The following SOX5 variants were observed in gnomAD, a reference collection of about 807,000 sequenced individuals.
The protein encoded by SOX5 is transcription factor SOX-5.
A neutral mutation model predicts 92.0 loss-of-function variants in SOX5; 9 were observed. The ratio of observed to expected loss-of-function variants is 0.10; its 90% confidence interval spans 0.06 to 0.17. The LOEUF (loss-of-function observed/expected upper bound fraction) is 0.17. SOX5 is among the 10% of genes least tolerant of loss of function. SOX5 has a pLI of 1.00. For synonymous variants in SOX5, 344 were observed against 336.3 expected (o/e 1.02, Z -0.25); for missense variants, 642 against 944.5 (o/e 0.68, Z 4.20).
chr12:24,095,124 CACACAGAGAGAGAGAGAG>C (rs1231818925), intron 4 of SOX5, among the ~76,000 whole-genome samples: 5 of 105,108 alleles, frequency 4.8e-5, no homozygotes, highest in Admixed American at 9.7e-5. Context: ...CACACACACA[CACACAGAGAGAGAGAGAG>C]AGAGAGAGAG....
chr12:23,889,193 AC>A (rs2097103157), intron 2 of SOX5, among the ~76,000 whole-genome samples: 1 of 152,218 alleles, frequency 6.6e-6, no homozygotes, highest in Non-Finnish European at 1.5e-5. Flanking sequence ...CACAATAACC[AC>A]ACTGGTTTAA....
At chr12:23,769,535 T>C (rs984420841) in intron 3 of SOX5, among the ~76,000 whole-genome samples, 5 of 152,150 alleles carry the variant, frequency 3.3e-5, no homozygotes, top group South Asian at 2.1e-4. Flanking sequence ...GCTCTCCAGT[T>C]GGACACCTAC....
chr12:24,372,554 C>G (rs1956847750), intron 1 of SOX5, among the ~76,000 whole-genome samples: 1 of 152,118 alleles, frequency 6.6e-6, no homozygotes, highest in African/African-American at 2.4e-5. Flanking sequence ...TGGGTTGGTT[C>G]CAAGTCTTTG....
At chr12:23,990,854 G>A (rs1330558620) in intron 4 of SOX5, among the ~76,000 whole-genome samples, 2 of 152,032 alleles carry the variant, frequency 1.3e-5, no homozygotes, top group Non-Finnish European at 2.9e-5. Flanking sequence ...AAAATAGAAA[G>A]CTTCACTAAG....
intron 4 of SOX5, among the ~76,000 whole-genome samples, chr12:24,004,665 C>T (rs1475861364): frequency 2.0e-5 from 3 of 152,098 alleles, no homozygotes; most frequent in South Asian, 2.1e-4. Flanking sequence ...ATATATATTG[C>T]TGCTGGGTAT....
chr12:23,741,830 T>A (rs934508158), intron 4 of SOX5, among the ~76,000 whole-genome samples: 1 of 152,138 alleles, frequency 6.6e-6, no homozygotes, highest in Admixed American at 6.5e-5. Flanking sequence ...TTTGGAGAAG[T>A]CATGGTAATC....
chr12:24,040,937 T>C (rs555504240), intron 4 of SOX5, among the ~76,000 whole-genome samples: 29 of 152,118 alleles, frequency 1.9e-4, no homozygotes, highest in Non-Finnish European at 3.1e-4. Context: ...GGGGAAATAC[T>C]AGTGATTGGG....
chr12:23,987,261 G>A (rs1950142299), intron 4 of SOX5, among the ~76,000 whole-genome samples: 1 of 152,322 alleles, frequency 6.6e-6, no homozygotes, highest in Non-Finnish European at 1.5e-5. Context: ...TATCTAGATT[G>A]TGCGGTCAGA....
Position 24,275,289 on chromosome 12 carries a change from A to C in SOX5, c.-77+1927T>G, listed in dbSNP as rs570164635. Reference sequence around the variant, plus strand: ...GTTAATTATATTCGATGTGTTTATTATTTTTTCTATTAATTTTTCTGTGTT... The same window carrying C: ...GTTAATTATATTCGATGTGTTTATTCTTTTTTCTATTAATTTTTCTGTGTT... On this transcript the variant is annotated intron_variant, in intron 3 of 4. Transcript: ENST00000446891. Among the ~76,000 whole-genome samples, 4 of 152,026 alleles carry C rather than the reference A, an allele frequency of 2.6e-5. No homozygotes were observed. In the East Asian group the frequency reaches 7.7e-4, roughly 29 times the overall value.
At chr12:24,132,474 C>T (rs1285880463) in intron 4 of SOX5, among the ~76,000 whole-genome samples, 1 of 152,058 alleles carries the variant, frequency 6.6e-6, no homozygotes, top group Non-Finnish European at 1.5e-5. Flanking sequence ...TTAGTTATTA[C>T]AGGACTAAAT....
intron 1 of SOX5, among the ~76,000 whole-genome samples, chr12:24,391,537 G>C (rs1181830451): frequency 6.6e-6 from 1 of 152,162 alleles, no homozygotes; most frequent in Non-Finnish European, 1.5e-5. Context: ...TAGCTTGATA[G>C]AGATATACTA....
At position 24,399,793 on chromosome 12, in the gene SOX5, T is replaced by G. The variant is rs12423708; in HGVS notation, c.-250-31154A>C. On this transcript the variant is annotated intron_variant, in intron 1 of 4. Transcript: ENST00000446891. ...TTAATTTTGATGAGATTTTCTCTTG[T>G]GCTCCCAGCAACATACAAATTGTAA... Among the ~76,000 whole-genome samples the G allele has an allele frequency of 2.8e-3, 427 of 152,338 alleles. 10 individuals are homozygous for G. The highest frequency in any genetic ancestry group is 0.024 in the Admixed American group (363 of 15,304).
At chr12:24,133,012 G>A (rs927163419) in intron 4 of SOX5, among the ~76,000 whole-genome samples, 1 of 152,128 alleles carries the variant, frequency 6.6e-6, no homozygotes, top group Non-Finnish European at 1.5e-5. Context: ...GTTATCCTTG[G>A]AGGTAAGATG....
At chr12:24,488,948 C>T (rs1022609886) in intron 1 of SOX5, among the ~76,000 whole-genome samples, 6 of 152,094 alleles carry the variant, frequency 3.9e-5, no homozygotes, top group South Asian at 2.1e-4. Context: ...AAGTTAAAGA[C>T]GGATGGAATG....
At chr12:24,378,642 C>T (rs961958449) in intron 1 of SOX5, among the ~76,000 whole-genome samples, 2 of 152,170 alleles carry the variant, frequency 1.3e-5, no homozygotes, top group Admixed American at 6.5e-5. Flanking sequence ...TTTTAATCTC[C>T]ATTCTTGCTG....
At chr12:24,067,543 T>G (rs868245531) in intron 4 of SOX5, among the ~76,000 whole-genome samples, 1 of 152,182 alleles carries the variant, frequency 6.6e-6, no homozygotes, top group African/African-American at 2.4e-5. Flanking sequence ...ATCATTATTA[T>G]AGTAAAACTC....
At chr12:24,267,035 G>A (rs1034748144) in intron 3 of SOX5, among the ~76,000 whole-genome samples, 5 of 152,046 alleles carry the variant, frequency 3.3e-5, no homozygotes, top group African/African-American at 9.7e-5. Flanking sequence ...AAATTGTAAC[G>A]TTTTTCTAAA....
chr12:24,230,523 G>A (rs893357868), intron 3 of SOX5: 2 of 152,142 alleles, frequency 1.3e-5, no homozygotes, highest in African/African-American at 4.8e-5. Flanking sequence ...CCCCAGCTTA[G>A]TGTTAATATA....
At chr12:24,397,325 G>A (rs138396305) in intron 1 of SOX5, among the ~76,000 whole-genome samples, 83 of 151,734 alleles carry the variant, frequency 5.5e-4, no homozygotes, top group African/African-American at 1.8e-3. Flanking sequence ...ACAGTTTTTC[G>A]ACCATCAGAA....
Sources: allele counts gnomAD v4.1 joint callset (sites outside exome capture counted in the v4.1 genomes callset), GRCh38; gene constraint gnomAD v4.1.1; transcripts MANE v1.5; gene names NCBI Gene and HGNC (gene_info 2026-07-23, HGNC 2026-07-21).